CYRIA: variants seen among roughly 807,000 people sequenced by gnomAD.
CYRIA encodes the protein CYFIP related Rac1 interactor A.
In CYRIA, 15 loss-of-function variants were observed where a neutral mutation model predicts 43.9. The ratio of observed to expected loss-of-function variants is 0.34; its 90% CI spans 0.23 to 0.53. The LOEUF (loss-of-function observed/expected upper bound fraction) is 0.53. Ranked by LOEUF, CYRIA falls within the 20% of genes least tolerant of loss-of-function variation. The pLI is 0.94. For missense variants in CYRIA, 236 were observed against 394.2 expected (o/e 0.60, Z 3.40); for synonymous variants, 117 against 136.0 (o/e 0.86, Z 0.97).
At chr2:16,632,929 C>G (rs1669371064) in intron 1 of CYRIA, among the ~76,000 whole-genome samples, 1 of 152,132 alleles carries the variant, frequency 6.6e-6, no homozygotes, top group Admixed American at 6.5e-5. Flanking sequence ...TCTGCCTTCC[C>G]CAATAGCACA....
At chr2:16,620,482 A>G (rs901790313) in intron 2 of CYRIA, among the ~76,000 whole-genome samples, 2 of 152,218 alleles carry the variant, frequency 1.3e-5, no homozygotes, top group African/African-American at 4.8e-5. Context: ...ATCTGTGTGA[A>G]CTTATTTTAC....
At chr2:16,619,668 A>G (rs1668932026) in intron 2 of CYRIA, among the ~76,000 whole-genome samples, 1 of 152,190 alleles carries the variant, frequency 6.6e-6, no homozygotes, top group Non-Finnish European at 1.5e-5. Context: ...AGAAAAGATC[A>G]ATTCAAATTA....
intron 1 of CYRIA, among the ~76,000 whole-genome samples, chr2:16,631,899 A>T (rs1669338738): frequency 6.6e-6 from 1 of 152,168 alleles, no homozygotes; most frequent in African/African-American, 2.4e-5. Context: ...AGTTTCCAGC[A>T]ATCCTGGTAT....
rs1367173652 is a variant in CYRIA, at chr2:16,649,395, A to C, written c.-167+16385T>G. ...ACACTACAGGGGACAGTTGTACAGT[A>C]CAGGGGATGGTTGTATAGTACAGGG... On this transcript the variant is annotated intron_variant, in intron 1 of 11. Transcript: ENST00000381323. Among the ~76,000 whole-genome samples, 4 of 152,156 alleles carry C rather than the reference A, an allele frequency of 2.6e-5. No homozygotes were observed. In the East Asian group the frequency reaches 7.7e-4, roughly 29 times the overall value.
chr2:16,661,392 G>A (rs1558446729), intron 1 of CYRIA, among the ~76,000 whole-genome samples: 1 of 152,144 alleles, frequency 6.6e-6, no homozygotes, highest in Non-Finnish European at 1.5e-5. Flanking sequence ...CAACTGTTAT[G>A]CTTTCCATTC....
intron 1 of CYRIA, among the ~76,000 whole-genome samples, chr2:16,649,899 A>G (rs1217917260): frequency 6.6e-6 from 1 of 152,204 alleles, no homozygotes; most frequent in Non-Finnish European, 1.5e-5. Flanking sequence ...TAGGACTTGG[A>G]CATTTGCCTT....
intron 3 of CYRIA, among the ~76,000 whole-genome samples, chr2:16,587,489 A>C (rs1266481783): frequency 6.6e-6 from 1 of 152,184 alleles, no homozygotes; most frequent in East Asian, 1.9e-4. Flanking sequence ...CCATGGGTAC[A>C]TTAAACACAT....
At chr2:16,624,266 G>C (rs1669091435) in intron 1 of CYRIA, among the ~76,000 whole-genome samples, 1 of 152,214 alleles carries the variant, frequency 6.6e-6, no homozygotes, top group South Asian at 2.1e-4. Flanking sequence ...ACATGTCTCT[G>C]ACTCTCTGGC....
chr2:16,620,518 T>C (rs1000965357), intron 2 of CYRIA, among the ~76,000 whole-genome samples: 2 of 152,200 alleles, frequency 1.3e-5, no homozygotes, highest in South Asian at 2.1e-4. Flanking sequence ...AATCTTATAA[T>C]AATATATGAA....
Position 16,552,620 on chromosome 2 carries a change from A to G in CYRIA, c.*316T>C, listed in dbSNP as rs916710277. On this transcript the variant is annotated 3_prime_UTR_variant, in exon 12 of 12. Coordinates refer to ENST00000381323, the MANE Select transcript of CYRIA (RefSeq NM_030797.4). ...AGAGAGATAACACATCTAGAATTAA[A>G]ATACTACCACAAACAATTAGGAATT... 8 of 232,096 alleles carry G rather than the reference A, an allele frequency of 3.4e-5. No individual in the cohort carries two copies. The highest frequency in any genetic ancestry group is 1.1e-4 in the African/African-American group (5 of 44,168). 14.4% of individuals were successfully genotyped at this position (232,096 alleles called of 1,614,324 possible). A position where few individuals can be genotyped will look rare whatever the true frequency, so the allele number is the denominator to read the frequency against.
intron 1 of CYRIA, among the ~76,000 whole-genome samples, chr2:16,652,364 G>C (rs1187560053): frequency 6.6e-6 from 1 of 152,160 alleles, no homozygotes; most frequent in Non-Finnish European, 1.5e-5. Context: ...GAGGATACGA[G>C]GTGGGAGCTG....
chr2:16,581,828 G>A (rs932964451), intron 3 of CYRIA, among the ~76,000 whole-genome samples: 5 of 151,902 alleles, frequency 3.3e-5, no homozygotes, highest in Admixed American at 1.3e-4. Flanking sequence ...AAATGAAAAC[G>A]AATTGTCATA....
rs765647821 is a variant in CYRIA, at chr2:16,562,140, T to C, written c.300A>G (p.Glu100=). 5.6e-6 allele frequency: 9 copies of C among 1,609,952 alleles called. No homozygotes were observed. The highest frequency in any genetic ancestry group is 3.3e-4 in the Middle Eastern group (2 of 6,020). Residue 100 remains glutamate, a splice_region_variant and synonymous_variant, in exon 6 of 12, where the codon GAA becomes GAG. Transcript: ENST00000381323. The part of the protein sequence containing the change: ...KRFYEFSIRL[E]KALQSLLESL... Reference sequence around the variant, plus strand: ...ATTCCAATAAACTCTGAAGAGCTTTTTCTGAAAATCAAAGGGATAAATAGA... The same window carrying C: ...ATTCCAATAAACTCTGAAGAGCTTTCTCTGAAAATCAAAGGGATAAATAGA...
intron 1 of CYRIA, among the ~76,000 whole-genome samples, chr2:16,624,405 C>T (rs1003870982): frequency 6.6e-6 from 1 of 152,164 alleles, no homozygotes; most frequent in Non-Finnish European, 1.5e-5. Flanking sequence ...AGGGAGGTGG[C>T]ACTTTTTCCA....
intron 2 of CYRIA, among the ~76,000 whole-genome samples, chr2:16,590,476 T>C (rs1041867534): frequency 4.6e-5 from 7 of 152,188 alleles, no homozygotes; most frequent in African/African-American, 9.6e-5. Flanking sequence ...TATGAATGTA[T>C]CATAAGAGAC....
In CYRIA at chr2:16,650,135, G is replaced by A. The variant is rs985272367; in HGVS notation, c.-167+15645C>T. Among the ~76,000 whole-genome samples, 7 of 152,166 alleles carry A rather than the reference G, an allele frequency of 4.6e-5. No homozygotes were observed. The highest frequency in any genetic ancestry group is 1.2e-4 in the African/African-American group (5 of 41,406). ...TGACACGTGGCACAGCAAGACAGTCGTCGCCATCAGCCACTGAGATTTGGG... is the reference window on the plus strand; with the variant it reads ...TGACACGTGGCACAGCAAGACAGTCATCGCCATCAGCCACTGAGATTTGGG... On this transcript the variant is annotated intron_variant, in intron 1 of 11. Transcript: ENST00000381323. This position sits in a 1 kb window ranked among gnomAD's most constrained non-coding sequence, Gnocchi z 4.1.
At chr2:16,634,971 C>T in intron 1 of CYRIA, among the ~76,000 whole-genome samples, 1 of 152,200 alleles carries the variant, frequency 6.6e-6, no homozygotes, top group East Asian at 1.9e-4. Context: ...AAGATGGACA[C>T]TGGGTTGGGA....
Position 16,551,244 on chromosome 2 carries a change from A to T in CYRIA, c.*1692T>A, listed in dbSNP as rs960079565. 1 of 152,162 alleles carries T rather than the reference A, an allele frequency of 6.6e-6. No homozygotes were observed. The highest frequency in any genetic ancestry group is 2.4e-5 in the African/African-American group (1 of 41,458). The allele number at this position is 152,162 out of a possible 1,614,324, so 9.4% of individuals were successfully genotyped here. ...TCCAAGGGAAGATCAGCTGGTCACT[A>T]AAGTCCAGAAAGCAATGGAGTCTTA... On this transcript the variant is annotated 3_prime_UTR_variant, in exon 12 of 12. Transcript: ENST00000381323.
intron 1 of CYRIA, among the ~76,000 whole-genome samples, chr2:16,625,247 C>T (rs1024326619): frequency 6.6e-6 from 1 of 152,128 alleles, no homozygotes; most frequent in Non-Finnish European, 1.5e-5. Flanking sequence ...CCCCCAGAGG[C>T]TGGGCTGGTT....
Sources: gnomAD v4.1 joint callset for allele counts (sites outside exome capture counted in the v4.1 genomes callset) on GRCh38, gnomAD v4.1.1 for gene constraint, Gnocchi (gnomAD v3.1) non-coding constraint, MANE v1.5 for transcripts, NCBI Gene and HGNC (gene_info 2026-07-23, HGNC 2026-07-21) for gene names.